The following KLF12 variants were observed in gnomAD, a reference collection of about 807,000 sequenced individuals.
KLF12 encodes the protein Krueppel-like factor 12.
KLF12 carries 9 observed loss-of-function variants against 37.8 expected under a neutral mutation model. The ratio of observed to expected loss-of-function variants is 0.24; its 90% CI spans 0.14 to 0.42. The LOEUF (loss-of-function observed/expected upper bound fraction) is 0.42. KLF12 is among the 10% of genes least tolerant of loss of function. The pLI is 1.00. For synonymous variants in KLF12, 208 were observed against 202.1 expected, an observed-to-expected ratio of 1.03 and a Z score of -0.25; for missense variants, 411 against 516.0, an observed-to-expected ratio of 0.80 and a Z score of 1.97.
chr13:74,031,709 T>C (rs921277011), intron 1 of KLF12, among the ~76,000 whole-genome samples: 2 of 152,178 alleles, frequency 1.3e-5, no homozygotes, highest in Admixed American at 6.6e-5. Context: ...ATATTCCATG[T>C]TGCATAGATT....
At chr13:74,124,217 A>G (rs1877807039) in intron 1 of KLF12, among the ~76,000 whole-genome samples, 2 of 152,220 alleles carry the variant, frequency 1.3e-5, no homozygotes, top group South Asian at 4.1e-4. Context: ...GTGTTTGCTA[A>G]AGTTACTTGT....
intron 2 of KLF12, among the ~76,000 whole-genome samples, chr13:73,972,006 G>A (rs572187692): frequency 1.5e-4 from 23 of 152,214 alleles, no homozygotes; most frequent in African/African-American, 3.9e-4. Context: ...GGGTGCTACC[G>A]AATCATTAAG....
intron 1 of KLF12, among the ~76,000 whole-genome samples, chr13:74,113,972 C>T (rs1877131493): frequency 6.6e-6 from 1 of 152,092 alleles, no homozygotes; most frequent in Non-Finnish European, 1.5e-5. Flanking sequence ...TGGAGAAGTT[C>T]AAGAGTTCAG....
intron 2 of KLF12, among the ~76,000 whole-genome samples, chr13:73,977,692 GA>G (rs1326538016): frequency 1.3e-5 from 2 of 152,172 alleles, no homozygotes; most frequent in Admixed American, 1.3e-4. Flanking sequence ...CAATGTTGAA[GA>G]AATGACATTA....
chr13:74,249,809 C>T, the KLF12 span, among the ~76,000 whole-genome samples: 31,303 of 151,916 alleles, frequency 0.21, 5,383 homozygotes, highest in African/African-American at 0.47. Flanking sequence ...CATGAGGAGG[C>T]GTTTCTTCAG....
chr13:73,891,713 T>A (rs1445646026), intron 3 of KLF12, among the ~76,000 whole-genome samples: 8 of 149,624 alleles, frequency 5.3e-5, no homozygotes, highest in Non-Finnish European at 4.4e-5. Context: ...TCAATTTTTG[T>A]CTTCTTCTAA....
chr13:73,771,862 T>C (rs975705600), intron 5 of KLF12, among the ~76,000 whole-genome samples: 3 of 152,190 alleles, frequency 2.0e-5, no homozygotes, highest in Non-Finnish European at 4.4e-5. Flanking sequence ...ACAAAAAGAA[T>C]AGGTACAATT....
At chr13:74,100,154 A>AG (rs1226408693) in intron 1 of KLF12, among the ~76,000 whole-genome samples, 2 of 152,170 alleles carry the variant, frequency 1.3e-5, no homozygotes, top group African/African-American at 2.4e-5. Context: ...CAGATGAGAT[A>AG]GGGAAAATAA....
At chr13:74,291,285 T>C in the KLF12 span, among the ~76,000 whole-genome samples, 1 of 152,224 alleles carries the variant, frequency 6.6e-6, no homozygotes, top group Non-Finnish European at 1.5e-5. Flanking sequence ...GACAGTTAGA[T>C]AAATCAGTTG....
intron 6 of KLF12, among the ~76,000 whole-genome samples, chr13:73,748,601 T>C (rs1878528529): frequency 1.3e-5 from 2 of 152,186 alleles, no homozygotes; most frequent in Non-Finnish European, 2.9e-5. Context: ...AATCACCAGA[T>C]GGCTTGCTGT....
At chr13:74,188,556 A>C in the KLF12 span, among the ~76,000 whole-genome samples, 4 of 152,318 alleles carry the variant, frequency 2.6e-5, no homozygotes, top group Admixed American at 2.6e-4. Flanking sequence ...CTGGCAAAAC[A>C]TGATGGTAAG....
the KLF12 span, among the ~76,000 whole-genome samples, chr13:74,234,534 T>C: frequency 6.6e-6 from 1 of 152,206 alleles, no homozygotes; most frequent in Admixed American, 6.5e-5. Context: ...TAATATCCAA[T>C]CTTTAATGTA....
the KLF12 span, among the ~76,000 whole-genome samples, chr13:74,227,301 A>G: frequency 1.3e-5 from 2 of 152,110 alleles, no homozygotes; most frequent in Non-Finnish European, 2.9e-5. Context: ...TACCCCTGTC[A>G]CAGGATTAAA....
chr13:73,736,257 A>T (rs1227051968), intron 6 of KLF12, among the ~76,000 whole-genome samples: 1 of 152,240 alleles, frequency 6.6e-6, no homozygotes, highest in Non-Finnish European at 1.5e-5. Flanking sequence ...TTTGTAGAGA[A>T]AATGACTGTG....
chr13:73,806,734 G>A (rs933957541), intron 5 of KLF12, among the ~76,000 whole-genome samples: 2 of 151,578 alleles, frequency 1.3e-5, no homozygotes, highest in African/African-American at 4.9e-5. Context: ...TTCTTTATCT[G>A]TAGGATACAG....
the KLF12 span, among the ~76,000 whole-genome samples, chr13:74,145,494 T>A: frequency 6.6e-6 from 1 of 152,224 alleles, no homozygotes; most frequent in African/African-American, 2.4e-5. Flanking sequence ...AACATATGGC[T>A]GTGTCTGCTG....
chr13:74,099,263 C>T (rs1327938830), intron 1 of KLF12, among the ~76,000 whole-genome samples: 1 of 152,094 alleles, frequency 6.6e-6, no homozygotes, highest in Non-Finnish European at 1.5e-5. Flanking sequence ...GGGAAGATCA[C>T]CTGAGCCCAG....
chr13:73,841,686 G>A (rs1176477931), intron 4 of KLF12, among the ~76,000 whole-genome samples: 1 of 152,042 alleles, frequency 6.6e-6, no homozygotes, highest in Non-Finnish European at 1.5e-5. Context: ...GTATAGGCTG[G>A]TGCAAGAGTA....
intron 7 of KLF12, among the ~76,000 whole-genome samples, chr13:73,710,378 CTGTGTGTGTGTGTGTGTGTGTGTGTG>C (rs59799453): frequency 6.9e-6 from 1 of 143,896 alleles, no homozygotes; most frequent in Non-Finnish European, 1.5e-5. Flanking sequence ...AAGATATTGT[CTGTGTGTGTGTGTGTGTGTGTGTGTG>C]TGTGTGTGTG....
Sources: gnomAD v4.1 joint callset for allele counts (sites outside exome capture counted in the v4.1 genomes callset) on GRCh38, gnomAD v4.1.1 for gene constraint, MANE v1.5 for transcripts, NCBI Gene and HGNC (gene_info 2026-07-23, HGNC 2026-07-21) for gene names.